SLC27A6: variants seen among roughly 807,000 people sequenced by gnomAD.
The protein encoded by SLC27A6 is long-chain fatty acid transport protein 6.
Under a neutral mutation model 63.9 loss-of-function variants are expected in SLC27A6, and 74 were observed. The ratio of observed to expected loss-of-function variants is 1.16; its 90% CI spans 0.96 to 1.40. The LOEUF (loss-of-function observed/expected upper bound fraction) is 1.40, where lower values mean the gene tolerates loss of function less well. SLC27A6 is among the 40% of genes most tolerant of loss of function. The pLI is 0.00. For synonymous variants in SLC27A6, 287 were observed against 260.8 expected (o/e 1.10, Z -0.97); for missense variants, 794 against 732.9 (o/e 1.08, Z -0.96).
rs199739527 is a variant in SLC27A6, at chr5:128,988,616, T to C, written c.702T>C (p.Ala234=). 3.1e-6 allele frequency: 5 copies of C among 1,613,896 alleles called. No homozygotes were observed. The South Asian group carries it at 5.5e-5, about 18-fold the overall frequency. The change falls in exon 3 of 10, where the codon GCT becomes GCC. Residue 234 remains alanine, a synonymous_variant. Transcript: ENST00000262462. ...TSGTTGLPKA[A]VISQLQVLRG... is the part of the protein sequence containing the mutation. ...TTCTTCCAGGTCTACCAAAAGCAGC[T>C]GTGATTAGTCAGCTGCAGGTTTTAA...
chr5:129,028,937 A>G (rs903258341), intron 8 of SLC27A6, among the ~76,000 whole-genome samples: 1 of 152,112 alleles, frequency 6.6e-6, no homozygotes, highest in South Asian at 2.1e-4. Context: ...AAAGTGACCA[A>G]TTTGAAGTCA....
At chr5:128,973,492 C>T (rs1180518766) in intron 1 of SLC27A6, among the ~76,000 whole-genome samples, 1 of 152,204 alleles carries the variant, frequency 6.6e-6, no homozygotes, top group Non-Finnish European at 1.5e-5. Context: ...GACTCCCCTC[C>T]CCTAGCCTTG....
At chr5:128,990,937 C>G (rs538056760) in intron 4 of SLC27A6, among the ~76,000 whole-genome samples, 2 of 152,264 alleles carry the variant, frequency 1.3e-5, no homozygotes, top group East Asian at 3.9e-4. Context: ...AGCGGGTCTG[C>G]GATGGCGGAG....
intron 4 of SLC27A6, among the ~76,000 whole-genome samples, chr5:129,007,720 T>C (rs1751592543): frequency 6.6e-6 from 1 of 151,992 alleles, no homozygotes; most frequent in Admixed American, 6.5e-5. Context: ...AGCCAACAAT[T>C]TGGTAACATA....
chr5:129,022,569 T>A (rs1752109498), intron 5 of SLC27A6, among the ~76,000 whole-genome samples: 1 of 152,210 alleles, frequency 6.6e-6, no homozygotes, highest in South Asian at 2.1e-4. Flanking sequence ...CTTATTATTA[T>A]TTTATCTCAC....
At chr5:128,975,992 C>A (rs17766892) in intron 1 of SLC27A6, among the ~76,000 whole-genome samples, 9,192 of 151,656 alleles carry the variant, frequency 0.061, 1,062 homozygotes, top group East Asian at 0.54. Context: ...CAATTATTTT[C>A]TTTTGTAACA....
intron 6 of SLC27A6, among the ~76,000 whole-genome samples, chr5:129,024,316 A>G (rs1018090947): frequency 2.6e-5 from 4 of 152,186 alleles, no homozygotes; most frequent in African/African-American, 9.6e-5. Flanking sequence ...AAACTATAAT[A>G]TAGAAATTAG....
chr5:128,998,561 CTAAAAA>C (rs1203366499), intron 4 of SLC27A6, among the ~76,000 whole-genome samples: 5 of 151,714 alleles, frequency 3.3e-5, no homozygotes, highest in African/African-American at 1.2e-4. Context: ...CACAAAAAGA[CTAAAAA>C]TAAAAAACCA....
intron 3 of SLC27A6, 75 bp downstream of exon 3, chr5:128,988,833 G>T (rs1418543702): frequency 9.1e-6 from 11 of 1,204,966 alleles, no homozygotes; most frequent in Non-Finnish European, 1.3e-5. Context: ...AACATTTGAA[G>T]CTGTATCGGT....
chr5:128,989,975 A>G (rs956196429), intron 3 of SLC27A6, among the ~76,000 whole-genome samples: 1 of 152,218 alleles, frequency 6.6e-6, no homozygotes, highest in African/African-American at 2.4e-5. Flanking sequence ...TTAAAAATGA[A>G]TAATATGTAT....
chr5:128,971,032 G>T (rs1239085871), intron 1 of SLC27A6, among the ~76,000 whole-genome samples: 2 of 152,162 alleles, frequency 1.3e-5, no homozygotes, highest in African/African-American at 4.8e-5. Context: ...AGTCATTCAG[G>T]AGCAGGTTGT....
intron 7 of SLC27A6, 152 bp downstream of exon 7, chr5:129,027,483 T>G: frequency 1.6e-6 from 1 of 618,184 alleles, no homozygotes; most frequent in Non-Finnish European, 2.9e-6. Context: ...GGCCATCTGT[T>G]TCTAGACTGA....
intron 4 of SLC27A6, among the ~76,000 whole-genome samples, chr5:128,996,697 C>A: frequency 6.6e-6 from 1 of 151,966 alleles, no homozygotes; most frequent in South Asian, 2.1e-4. Flanking sequence ...AGAAAGGAAA[C>A]CTGCTTTCTT....
At chr5:129,007,319 C>T (rs1751574689) in intron 4 of SLC27A6, among the ~76,000 whole-genome samples, 1 of 150,864 alleles carries the variant, frequency 6.6e-6, no homozygotes, top group Non-Finnish European at 1.5e-5. Flanking sequence ...TGGCACGTAC[C>T]TGTAATCTCA....
intron 4 of SLC27A6, among the ~76,000 whole-genome samples, chr5:129,005,661 G>A (rs1436233502): frequency 1.6e-5 from 2 of 128,200 alleles, no homozygotes; most frequent in Non-Finnish European, 3.0e-5. Context: ...CGCTCAGGCT[G>A]GAGTGCAGTG....
At chr5:128,998,958 C>T (rs1216543453) in intron 4 of SLC27A6, among the ~76,000 whole-genome samples, 1 of 152,128 alleles carries the variant, frequency 6.6e-6, no homozygotes, top group East Asian at 1.9e-4. Context: ...GACAACTTTT[C>T]TATTAATTTA....
chr5:128,970,853 G>T (rs1433688094), intron 1 of SLC27A6, among the ~76,000 whole-genome samples: 4 of 150,868 alleles, frequency 2.7e-5, no homozygotes, highest in South Asian at 4.2e-4. Flanking sequence ...TGATGTTAGG[G>T]TGTCAATTTT....
chr5:129,002,031 T>C (rs907673469), intron 4 of SLC27A6, among the ~76,000 whole-genome samples: 14 of 152,340 alleles, frequency 9.2e-5, no homozygotes, highest in African/African-American at 3.1e-4. Context: ...TTCAAGTTGA[T>C]GTGACTACTT....
rs115187779 is a variant in SLC27A6 at position 129,022,482 on chromosome 5, A to G, written c.1165-1138A>G. 9.2e-3 allele frequency among the ~76,000 whole-genome samples: 1,397 copies of G among 152,212 alleles called. 16 individuals are homozygous for G. The highest frequency in any genetic ancestry group is 0.031 in the African/African-American group (1,289 of 41,518). On this transcript the variant is annotated intron_variant, in intron 5 of 9. Coordinates refer to ENST00000262462, the MANE Select transcript of SLC27A6 (RefSeq NM_001017372.3). Reference sequence around the variant, plus strand: ...AAATAATACTATTGCATCTATCTCAATCATCTTATCTTTTCCCACTTATTT... The same window carrying G: ...AAATAATACTATTGCATCTATCTCAGTCATCTTATCTTTTCCCACTTATTT...
Sources: gnomAD v4.1 joint callset for allele counts (sites outside exome capture counted in the v4.1 genomes callset) on GRCh38, gnomAD v4.1.1 for gene constraint, MANE v1.5 for transcripts, NCBI Gene and HGNC (gene_info 2026-07-23, HGNC 2026-07-21) for gene names.